WDR12: variants seen among roughly 807,000 people sequenced by gnomAD.
The protein encoded by WDR12 is WD repeat domain 12, also known as ribosome biogenesis protein WDR12.
Under a neutral mutation model 64.3 loss-of-function variants are expected in WDR12, and 42 were observed. The observed-to-expected ratio is 0.65, with a 90% CI of 0.51 to 0.84. The LOEUF (loss-of-function observed/expected upper bound fraction) is 0.84. Ranked by LOEUF, WDR12 falls within the 40% of genes least tolerant of loss-of-function variation. The probability of loss-of-function intolerance (pLI) is 0.00; values close to 1 mark genes in which losing one functional copy is unlikely to be tolerated. For missense variants in WDR12, 469 were observed against 494.6 expected, an observed-to-expected ratio of 0.95 and a Z score of 0.49; for synonymous variants, 158 against 173.3, an observed-to-expected ratio of 0.91 and a Z score of 0.70.
Position 202,902,729 on chromosome 2 carries a change from C to T in WDR12, c.137-1610G>A, listed in dbSNP as rs150832970. On this transcript the variant is annotated intron_variant, in intron 2 of 12. Transcript: ENST00000261015. ...TTTGAGGTTTTGGGACTCGGACTGGCCTCCTTGCTCCTCATCTTGCAGACA... is the reference window on the plus strand; with the variant it reads ...TTTGAGGTTTTGGGACTCGGACTGGTCTCCTTGCTCCTCATCTTGCAGACA... Among the ~76,000 whole-genome samples, 351 of 152,276 alleles carry T rather than the reference C, an allele frequency of 2.3e-3. 1 individual carries two copies. The highest frequency in any genetic ancestry group is 7.9e-3 in the African/African-American group (327 of 41,550).
intron 2 of WDR12, among the ~76,000 whole-genome samples, chr2:202,903,501 A>AAGGAAGGAAGGG (rs1688392780): frequency 1.3e-5 from 1 of 74,816 alleles, no homozygotes; most frequent in Non-Finnish European, 3.1e-5. Context: ...GGAAGGAAGG[A>AAGGAAGGAAGGG]AGTGAGGGAG....
chr2:202,882,861 C>G (rs1242977519), intron 11 of WDR12, 78 bp from the exon 12 acceptor site: 18 of 1,472,286 alleles, frequency 1.2e-5, no homozygotes, highest in Non-Finnish European at 1.6e-5. Flanking sequence ...TTATACTTAT[C>G]TGAAAACTTT....
Position 202,880,801 on chromosome 2 carries a change from T to C in WDR12, c.*59A>G, listed in dbSNP as rs1482671703. On this transcript the variant is annotated 3_prime_UTR_variant, in exon 13 of 13. Coordinates refer to ENST00000261015, the MANE Select transcript of WDR12 (RefSeq NM_018256.4). ...CTGCATCTGCATCTATGTAATTTCA[T>C]GGTTCTCTACCAATTTCATTTACAG... The C allele has an allele frequency of 4.0e-6, 6 of 1,491,502 alleles. No homozygotes were observed. Among genetic ancestry groups the C allele is most frequent in the Non-Finnish European group, 5.5e-6 (6 of 1,091,706 alleles). 92.4% of individuals were successfully genotyped at this position (1,491,502 alleles called of 1,614,324 possible).
At chr2:202,896,690 C>CA (rs1331348076) in intron 5 of WDR12, among the ~76,000 whole-genome samples, 2 of 150,568 alleles carry the variant, frequency 1.3e-5, no homozygotes, top group Non-Finnish European at 3.0e-5. Flanking sequence ...GACTCTGCCT[C>CA]AAAAAACAAA....
chr2:202,909,778 T>TTTA (rs1688533579), intron 1 of WDR12, among the ~76,000 whole-genome samples: 1 of 151,488 alleles, frequency 6.6e-6, no homozygotes, highest in East Asian at 1.9e-4. Context: ...AAAGCAAGAA[T>TTTA]TTTATTATTT....
At chr2:202,887,592 G>C (rs959048342) in intron 8 of WDR12, among the ~76,000 whole-genome samples, 24 of 152,106 alleles carry the variant, frequency 1.6e-4, no homozygotes, top group Non-Finnish European at 2.9e-4. Flanking sequence ...CTCTAGAATA[G>C]AAAATGACAT....
intron 8 of WDR12, among the ~76,000 whole-genome samples, chr2:202,891,631 T>G (rs1435356683): frequency 6.6e-6 from 1 of 152,238 alleles, no homozygotes; most frequent in Non-Finnish European, 1.5e-5. Flanking sequence ...TGATCCCATT[T>G]TATTCATTTT....
At chr2:202,891,852 G>T (rs1688162131) in intron 8 of WDR12, among the ~76,000 whole-genome samples, 1 of 152,154 alleles carries the variant, frequency 6.6e-6, no homozygotes, top group Non-Finnish European at 1.5e-5. Flanking sequence ...ATAATAATCT[G>T]CATGAAAAGT....
At chr2:202,899,469 A>T in intron 4 of WDR12, 62 bp downstream of exon 4, 1 of 1,422,860 alleles carries the variant, frequency 7.0e-7, no homozygotes, top group Non-Finnish European at 9.8e-7. Context: ...ATATGGATTT[A>T]AAAAGACTGA....
intron 7 of WDR12, among the ~76,000 whole-genome samples, chr2:202,893,789 C>T (rs1359564848): frequency 1.3e-5 from 2 of 152,110 alleles, no homozygotes; most frequent in Admixed American, 6.6e-5. Flanking sequence ...TATGAAAGCA[C>T]CTTCCTCTCA....
Position 202,911,659 on chromosome 2 carries a change from A to C in WDR12, c.-183T>G, listed in dbSNP as rs182314765. Reference sequence around the variant, plus strand: ...TCCGGTCTCCTCTGCAGAAAGCACGAGGTTGCCCTTCTACAGACGCCCAGA... The same window carrying C: ...TCCGGTCTCCTCTGCAGAAAGCACGCGGTTGCCCTTCTACAGACGCCCAGA... On this transcript the variant is annotated 5_prime_UTR_variant, in exon 1 of 13. Coordinates refer to ENST00000261015, the MANE Select transcript of WDR12 (RefSeq NM_018256.4). 1,322 of 623,302 alleles carry C rather than the reference A, an allele frequency of 2.1e-3. 13 individuals are homozygous for C. The highest frequency in any genetic ancestry group is 0.013 in the East Asian group (482 of 36,138). 38.6% of individuals were successfully genotyped at this position (623,302 alleles called of 1,614,324 possible). A position where few individuals can be genotyped will look rare whatever the true frequency, so the allele number is the denominator to read the frequency against.
Position 202,880,659 on chromosome 2 carries a change from CCA to C in WDR12, c.*199_*200del. ...TTCAAGTTTGTATAGAGAATGTATG[CCA>C]CAGTTTGTATTTTATAAACACAACC... On this transcript the variant is annotated 3_prime_UTR_variant, in exon 13 of 13. Coordinates refer to ENST00000261015, the MANE Select transcript of WDR12 (RefSeq NM_018256.4). The C allele has an allele frequency of 2.9e-6, 1 of 342,486 alleles. No individual in the cohort carries two copies. 21.2% of individuals were successfully genotyped at this position (342,486 alleles called of 1,614,324 possible). A position where few individuals can be genotyped will look rare whatever the true frequency, so the allele number is the denominator to read the frequency against.
At position 202,880,913 on chromosome 2, in the gene WDR12, T is replaced by C; in HGVS notation, c.1219A>G (p.Asn407Asp). Residue 407 changes from asparagine to aspartate, a missense_variant, in exon 13 of 13, where the codon AAT (asparagine) becomes GAT (aspartate). Asn to Asp is a conservative substitution (Grantham distance 23). Coordinates refer to ENST00000261015, the MANE Select transcript of WDR12 (RefSeq NM_018256.4). ...GAATATCTGTAGGAATACAATTTAT[T>C]GTCTGCTCCTCCACTCAGAAGTAGC... ...TGLLLSGGAD[N>D]KLYSYRYSPT... The C allele has an allele frequency of 6.2e-7, 1 of 1,609,746 alleles. No individual in the cohort carries two copies. Among genetic ancestry groups the C allele is most frequent in the Non-Finnish European group, 8.5e-7 (1 of 1,177,904 alleles).
At position 202,885,958 on chromosome 2, in the gene WDR12, G is replaced by T. The variant is rs866860552; in HGVS notation, c.742-1423C>A. On this transcript the variant is annotated intron_variant, in intron 8 of 12. Transcript: ENST00000261015. ...TATAGTCATATCTATTTGGGAGGCTGAAGTAGAAGGATCACTTGAGCCCAG... is the reference window on the plus strand; with the variant it reads ...TATAGTCATATCTATTTGGGAGGCTTAAGTAGAAGGATCACTTGAGCCCAG... Among the ~76,000 whole-genome samples, 5 of 152,106 alleles carry T rather than the reference G, an allele frequency of 3.3e-5. No individual in the cohort carries two copies. The South Asian group carries it at 1.0e-3, about 32-fold the overall frequency.
chr2:202,892,595 G>C, intron 8 of WDR12, 22 bp downstream of exon 8: 3 of 1,576,506 alleles, frequency 1.9e-6, no homozygotes, highest in Non-Finnish European at 2.6e-6. Context: ...GGCAAGTACA[G>C]TCAGTTCTCA....
At chr2:202,891,904 A>T (rs551185042) in intron 8 of WDR12, among the ~76,000 whole-genome samples, 2 of 152,302 alleles carry the variant, frequency 1.3e-5, no homozygotes, top group East Asian at 3.9e-4. Context: ...GTTGCCGGGA[A>T]CTGGAGTGTG....
chr2:202,908,075 G>A (rs1331656805), intron 1 of WDR12, 116 bp from the exon 2 acceptor site: 9 of 945,824 alleles, frequency 9.5e-6, no homozygotes, highest in Non-Finnish European at 1.5e-5. Context: ...CAGACATTTT[G>A]CTACATGTTG....
In WDR12 at chr2:202,896,093, G is replaced by A. The variant is rs1466582067; in HGVS notation, c.581C>T (p.Ser194Phe). Residue 194 changes from serine to phenylalanine, a missense_variant, in exon 6 of 13, where the codon TCT (serine) becomes TTT (phenylalanine). By Grantham distance (155) the Ser-to-Phe change is radical (BLOSUM62 -2). Coordinates refer to ENST00000261015, the MANE Select transcript of WDR12 (RefSeq NM_018256.4). Reference sequence around the variant, plus strand: ...AGTTCCTGAGCCATCAACAGCTATAGAATCTACACTTCCAGCATGACCTCT... The same window carrying A: ...AGTTCCTGAGCCATCAACAGCTATAAAATCTACACTTCCAGCATGACCTCT... The part of the protein sequence containing the change: ...CCRGHAGSVD[S>F]IAVDGSGTKF... 3 of 1,613,540 alleles carry A rather than the reference G, an allele frequency of 1.9e-6. No homozygotes were observed. The highest frequency in any genetic ancestry group is 2.7e-5 in the African/African-American group (2 of 74,810).
chr2:202,895,827 G>A (rs934272276), intron 6 of WDR12, among the ~76,000 whole-genome samples: 7 of 151,922 alleles, frequency 4.6e-5, no homozygotes, highest in African/African-American at 1.7e-4. Flanking sequence ...ACCGCGCCCG[G>A]CCCATACCTC....
Sources: gnomAD v4.1 joint callset for allele counts (sites outside exome capture counted in the v4.1 genomes callset) on GRCh38, gnomAD v4.1.1 for gene constraint, MANE v1.5 for transcripts, NCBI Gene and HGNC (gene_info 2026-07-23, HGNC 2026-07-21) for gene names.